IFT80: variants seen among roughly 807,000 people sequenced by gnomAD.
The protein encoded by IFT80 is intraflagellar transport 80.
Under a neutral mutation model 107.9 loss-of-function variants are expected in IFT80, and 79 were observed. The observed-to-expected ratio is 0.73, with a 90% CI of 0.61 to 0.88. IFT80 has a LOEUF of 0.88. Among genes scored for constraint, IFT80 ranks in the 40% least tolerant of loss-of-function variants. The pLI is 0.00. For missense variants in IFT80, 797 were observed against 914.2 expected, an observed-to-expected ratio of 0.87 and a Z score of 1.65; for synonymous variants, 299 against 300.9, an observed-to-expected ratio of 0.99 and a Z score of 0.07.
intron 9 of IFT80, among the ~76,000 whole-genome samples, chr3:160,314,750 C>T (rs116384693): frequency 0.015 from 2,344 of 152,192 alleles, 37 homozygotes; most frequent in Middle Eastern, 0.041. Flanking sequence ...CCTCAGAAAG[C>T]GAATCCTCCC....
intron 8 of IFT80, among the ~76,000 whole-genome samples, chr3:160,324,989 G>C (rs566783375): frequency 0.034 from 5,114 of 149,504 alleles, 279 homozygotes; most frequent in African/African-American, 0.12. Flanking sequence ...ACCAATAACA[G>C]ACAAACAGAG....
At chr3:160,391,854 T>C (rs1481619567) in intron 1 of IFT80, among the ~76,000 whole-genome samples, 2 of 152,206 alleles carry the variant, frequency 1.3e-5, no homozygotes, top group African/African-American at 2.4e-5. Flanking sequence ...TAGAGAATAG[T>C]TGCATCGTAT....
chr3:160,385,497 G>A (rs572654609), intron 1 of IFT80, among the ~76,000 whole-genome samples: 1 of 152,294 alleles, frequency 6.6e-6, no homozygotes, highest in East Asian at 1.9e-4. Context: ...TACATCAAAG[G>A]AGGTACTGAC....
chr3:160,307,686 C>A lies in IFT80; in HGVS notation c.1053G>T (p.Thr351=). Residue 351 remains threonine (T), a synonymous_variant, in exon 10 of 20, where the codon ACG becomes ACT. Transcript: ENST00000326448. ...SLNYAHLVVS[T]SLQCYVFSTK... is the part of the protein sequence containing the mutation. ...ACGAGAACACGTAACATTGAAGAGA[C>A]GTTGAAACAACTAAGTGTGCATAGT... 1 of 1,575,438 alleles carries A rather than the reference C, an allele frequency of 6.3e-7. No individual in the cohort carries two copies. The highest frequency in any genetic ancestry group is 8.7e-7 in the Non-Finnish European group (1 of 1,145,008).
intron 8 of IFT80, among the ~76,000 whole-genome samples, chr3:160,331,217 A>C (rs1418669470): frequency 6.6e-6 from 1 of 152,164 alleles, no homozygotes; most frequent in Admixed American, 6.6e-5. Context: ...AAATACTGTG[A>C]CAGTTGATCT....
rs1215407584 is a variant in IFT80 at position 160,258,652 on chromosome 3, A to G, written c.2224-17T>C. 1.9e-6 allele frequency: 3 copies of G among 1,609,536 alleles called. No individual in the cohort carries two copies. Among genetic ancestry groups the G allele is most frequent in the Non-Finnish European group, 2.5e-6 (3 of 1,179,740 alleles). ...TATTTGGAGCTGCAATAGAAAAAAA[A>G]AAGAAGAAATATGCTTAGATAGTGT... On this transcript the variant is annotated splice_polypyrimidine_tract_variant and intron_variant, in intron 19 of 19. Coordinates refer to ENST00000326448, the MANE Select transcript of IFT80 (RefSeq NM_020800.3).
chr3:160,319,209 T>C (rs1246392741), intron 9 of IFT80, among the ~76,000 whole-genome samples: 1 of 152,094 alleles, frequency 6.6e-6, no homozygotes, highest in Non-Finnish European at 1.5e-5. Flanking sequence ...TCTTTTGTTA[T>C]AGGGACCTCA....
chr3:160,372,510 A>G lies in IFT80; in HGVS notation c.439+3302T>C, dbSNP rs1200753635. On this transcript the variant is annotated intron_variant, in intron 5 of 19. Transcript: ENST00000326448. ...TCCGGAGATGAAAAAGGAAAAGTCT[A>G]TGCCTTATGAGGAAAGTATAGATGG... 2.0e-5 allele frequency among the ~76,000 whole-genome samples: 3 copies of G among 152,348 alleles called. No individual in the cohort carries two copies. The East Asian group carries it at 5.8e-4, about 29-fold the overall frequency.
intron 8 of IFT80, among the ~76,000 whole-genome samples, chr3:160,355,017 T>C (rs1166181343): frequency 6.6e-6 from 1 of 152,208 alleles, no homozygotes; most frequent in Non-Finnish European, 1.5e-5. Flanking sequence ...TTTCCCCAGT[T>C]AGGAATAGTA....
intron 8 of IFT80, among the ~76,000 whole-genome samples, chr3:160,323,582 A>G (rs1230239338): frequency 6.6e-6 from 1 of 152,150 alleles, no homozygotes; most frequent in Non-Finnish European, 1.5e-5. Flanking sequence ...GAAACCAACG[A>G]GAACAAAGAC....
intron 9 of IFT80, among the ~76,000 whole-genome samples, chr3:160,313,609 T>A (rs957268414): frequency 1.1e-3 from 151 of 137,142 alleles, no homozygotes; most frequent in African/African-American, 4.0e-3. Flanking sequence ...CTGTGCTGAA[T>A]TTTTTTTTTT....
At chr3:160,334,866 T>C (rs1320614985) in intron 8 of IFT80, among the ~76,000 whole-genome samples, 1 of 152,000 alleles carries the variant, frequency 6.6e-6, no homozygotes, top group Non-Finnish European at 1.5e-5. Context: ...TCCACATTCA[T>C]ATTTTAGATT....
intron 9 of IFT80, among the ~76,000 whole-genome samples, chr3:160,310,675 T>C (rs1336595671): frequency 6.6e-6 from 1 of 152,180 alleles, no homozygotes; most frequent in African/African-American, 2.4e-5. Context: ...GATAGATGAA[T>C]CAGGTTTATA....
intron 3 of IFT80, among the ~76,000 whole-genome samples, chr3:160,378,870 C>T (rs1166701886): frequency 1.3e-5 from 2 of 151,954 alleles, no homozygotes; most frequent in Admixed American, 6.6e-5. Flanking sequence ...GAAGAAATTA[C>T]GGAGTTGGAA....
At chr3:160,276,227 A>G (rs1178067491) in intron 18 of IFT80, among the ~76,000 whole-genome samples, 1 of 152,150 alleles carries the variant, frequency 6.6e-6, no homozygotes, top group Non-Finnish European at 1.5e-5. Context: ...ACAGATAAAC[A>G]ATGAATTTGT....
At chr3:160,297,931 A>G (rs1285853691) in intron 12 of IFT80, among the ~76,000 whole-genome samples, 1 of 152,134 alleles carries the variant, frequency 6.6e-6, no homozygotes, top group East Asian at 1.9e-4. Context: ...ATGAACAACT[A>G]AGGAGCTGTG....
rs368840846 is a variant in IFT80, at chr3:160,341,670, T to C, written c.777+14343A>G. On this transcript the variant is annotated intron_variant, in intron 8 of 19. Coordinates refer to ENST00000326448, the MANE Select transcript of IFT80 (RefSeq NM_020800.3). ...CTCAAATAAAAAAAAATGTACACTT[T>C]AGAGTTGTTAACACTGGTCACTTTC... Among the ~76,000 whole-genome samples, 8 of 152,224 alleles carry C rather than the reference T, an allele frequency of 5.3e-5. No homozygotes were observed. In the East Asian group the frequency reaches 1.4e-3, roughly 26 times the overall value.
chr3:160,264,170 C>T (rs939743480), intron 19 of IFT80, among the ~76,000 whole-genome samples: 7 of 151,770 alleles, frequency 4.6e-5, no homozygotes, highest in Admixed American at 4.6e-4. Flanking sequence ...AGTGCAGTGG[C>T]GTGACCTCGG....
At chr3:160,296,081 T>C (rs1269708120) in intron 12 of IFT80, among the ~76,000 whole-genome samples, 2 of 152,172 alleles carry the variant, frequency 1.3e-5, no homozygotes, top group East Asian at 1.9e-4. Context: ...CTGTCTAACA[T>C]TGTACCTATA....
Sources: allele counts gnomAD v4.1 joint callset (sites outside exome capture counted in the v4.1 genomes callset), GRCh38; gene constraint gnomAD v4.1.1; transcripts MANE v1.5; gene names NCBI Gene and HGNC (gene_info 2026-07-23, HGNC 2026-07-21).